Variants in NRXN3 observed in about 807,000 individuals in gnomAD.
The protein encoded by NRXN3 is neurexin III.
In NRXN3, 32 loss-of-function variants were observed where a neutral mutation model predicts 137.6. That is an observed-to-expected ratio of 0.23 (90% CI 0.18 to 0.31). NRXN3 has a LOEUF of 0.31. Among genes scored for constraint, NRXN3 ranks in the 10% least tolerant of loss-of-function variants. NRXN3 has a pLI of 1.00. For missense variants in NRXN3, 1,574 were observed against 2,062.5 expected (o/e 0.76, Z 4.59); for synonymous variants, 798 against 784.5 (o/e 1.02, Z -0.29).
chr14:78,849,219 A>G (rs547067952), intron 10 of NRXN3, among the ~76,000 whole-genome samples: 17 of 152,130 alleles, frequency 1.1e-4, no homozygotes, highest in Non-Finnish European at 2.1e-4. Flanking sequence ...CTCTTTGACC[A>G]TTTTTCCCAA....
At chr14:78,343,135 T>A (rs770173861) in intron 4 of NRXN3, among the ~76,000 whole-genome samples, 3 of 152,158 alleles carry the variant, frequency 2.0e-5, no homozygotes, top group Non-Finnish European at 2.9e-5. Flanking sequence ...TGGTAAAGCT[T>A]GAGAACCATG....
chr14:79,142,745 T>C (rs2058923402), intron 15 of NRXN3, among the ~76,000 whole-genome samples: 2 of 152,162 alleles, frequency 1.3e-5, no homozygotes, highest in African/African-American at 2.4e-5. Context: ...AGCCAAACTC[T>C]TCACAATTTC....
Position 79,057,963 on chromosome 14 carries a change from T to C in NRXN3, c.3262+69822T>C, listed in dbSNP as rs187789365. Among the ~76,000 whole-genome samples, 437 of 152,258 alleles carry C rather than the reference T, an allele frequency of 2.9e-3. 2 individuals carry two copies. Among genetic ancestry groups the C allele is most frequent in the African/African-American group, 9.9e-3 (412 of 41,548 alleles). Reference sequence around the variant, plus strand: ...ATAATTGATGAAGCAAGGTACGGAATGAGGCATAAAATGGAGAGATCAGAG... The same window carrying C: ...ATAATTGATGAAGCAAGGTACGGAACGAGGCATAAAATGGAGAGATCAGAG... On this transcript the variant is annotated intron_variant, in intron 15 of 20. Transcript: ENST00000335750.
At chr14:78,274,327 G>A (rs1275903074) in intron 2 of NRXN3, among the ~76,000 whole-genome samples, 1 of 152,192 alleles carries the variant, frequency 6.6e-6, no homozygotes, top group African/African-American at 2.4e-5. Context: ...GGCAGAAGGG[G>A]AAGCAAACAT....
chr14:78,681,058 C>T (rs1043154905), intron 6 of NRXN3, among the ~76,000 whole-genome samples: 3 of 152,174 alleles, frequency 2.0e-5, no homozygotes, highest in African/African-American at 7.2e-5. Flanking sequence ...TTCATAGCAG[C>T]AAGCAGCTGA....
intron 4 of NRXN3, among the ~76,000 whole-genome samples, chr14:78,437,217 G>T (rs1402324012): frequency 2.0e-5 from 3 of 152,128 alleles, no homozygotes; most frequent in Non-Finnish European, 4.4e-5. Context: ...GCATGGAAAG[G>T]TAAAGTATCA....
Position 79,722,765 on chromosome 14 carries a change from C to A in NRXN3, c.4014+24828C>A, listed in dbSNP as rs192097050. 1.9e-3 allele frequency among the ~76,000 whole-genome samples: 284 copies of A among 152,196 alleles called. 1 individual carries two copies. The highest frequency in any genetic ancestry group is 6.5e-3 in the African/African-American group (269 of 41,538). ...TAATAGATGTTAGGATTCATTTGGGCAGATACTTAGATTAGTGCCTACCAT... is the reference window on the plus strand; with the variant it reads ...TAATAGATGTTAGGATTCATTTGGGAAGATACTTAGATTAGTGCCTACCAT... On this transcript the variant is annotated intron_variant, in intron 19 of 20. Transcript: ENST00000335750.
intron 16 of NRXN3, among the ~76,000 whole-genome samples, chr14:79,655,385 T>G (rs1427987408): frequency 6.6e-6 from 1 of 152,218 alleles, no homozygotes; most frequent in East Asian, 1.9e-4. Flanking sequence ...CGATACATAC[T>G]TATTGCTCTC....
chr14:78,202,236 G>GA (rs1377301321), intron 1 of NRXN3, among the ~76,000 whole-genome samples: 1 of 152,218 alleles, frequency 6.6e-6, no homozygotes, highest in African/African-American at 2.4e-5. Flanking sequence ...TACCCTGCCT[G>GA]AAAACGAAGG....
At chr14:78,270,160 A>G (rs1758832654) in intron 2 of NRXN3, among the ~76,000 whole-genome samples, 1 of 152,184 alleles carries the variant, frequency 6.6e-6, no homozygotes, top group South Asian at 2.1e-4. Context: ...ACCTGACTCT[A>G]GAACCTGCCT....
intron 16 of NRXN3, among the ~76,000 whole-genome samples, chr14:79,577,175 C>G (rs1045213627): frequency 6.6e-6 from 1 of 152,174 alleles, no homozygotes; most frequent in South Asian, 2.1e-4. Context: ...GATAGTGAGG[C>G]CTCCCAAGCC....
chr14:78,864,636 T>A (rs2099081783), intron 10 of NRXN3, among the ~76,000 whole-genome samples: 1 of 152,126 alleles, frequency 6.6e-6, no homozygotes, highest in Non-Finnish European at 1.5e-5. Context: ...AAGAGACAGA[T>A]TAACAGGAAA....
intron 2 of NRXN3, among the ~76,000 whole-genome samples, chr14:78,247,849 T>C (rs2067926454): frequency 1.3e-5 from 2 of 152,252 alleles, no homozygotes; most frequent in South Asian, 4.1e-4. Context: ...ATTGAATTAC[T>C]GAACAACCTT....
At chr14:78,843,765 T>C (rs1382872786) in intron 10 of NRXN3, among the ~76,000 whole-genome samples, 1 of 152,156 alleles carries the variant, frequency 6.6e-6, no homozygotes, top group Non-Finnish European at 1.5e-5. Flanking sequence ...TGAAACATTT[T>C]GAATCAAATA....
intron 16 of NRXN3, among the ~76,000 whole-genome samples, chr14:79,571,463 G>T (rs1283236619): frequency 2.0e-5 from 3 of 152,140 alleles, no homozygotes; most frequent in Admixed American, 1.3e-4. Flanking sequence ...AATAGGAACT[G>T]GCAGCTGGGG....
In NRXN3 at chr14:79,004,506, A is replaced by G. The variant is rs146587730; in HGVS notation, c.3262+16365A>G. Among the ~76,000 whole-genome samples the G allele has an allele frequency of 1.1e-4, 17 of 152,342 alleles. No homozygotes were observed. The East Asian group carries it at 3.3e-3, about 29-fold the overall frequency. On this transcript the variant is annotated intron_variant, in intron 15 of 20. Transcript: ENST00000335750. ...TGATGTGCCTGCCTTGGCCTCCCAAAGTGCTGGGATTACAGGTGTGAGCTA... is the reference window on the plus strand; with the variant it reads ...TGATGTGCCTGCCTTGGCCTCCCAAGGTGCTGGGATTACAGGTGTGAGCTA...
intron 10 of NRXN3, among the ~76,000 whole-genome samples, chr14:78,816,104 C>T (rs746474398): frequency 1.3e-5 from 2 of 152,096 alleles, no homozygotes; most frequent in African/African-American, 2.4e-5. Flanking sequence ...TTTATCGTAT[C>T]AATAACAGCC....
chr14:78,817,071 T>C (rs1252282709), intron 10 of NRXN3, among the ~76,000 whole-genome samples: 3 of 152,198 alleles, frequency 2.0e-5, no homozygotes, highest in African/African-American at 7.2e-5. Context: ...GTTATAGTAA[T>C]TTTGTGTAAT....
At chr14:79,336,978 A>T (rs1171794908) in intron 15 of NRXN3, among the ~76,000 whole-genome samples, 1 of 152,160 alleles carries the variant, frequency 6.6e-6, no homozygotes, top group African/African-American at 2.4e-5. Flanking sequence ...CCTTGGCCAC[A>T]TACTTTAAAC....
Sources: allele counts gnomAD v4.1 joint callset (sites outside exome capture counted in the v4.1 genomes callset), GRCh38; gene constraint gnomAD v4.1.1; transcripts MANE v1.5; gene names NCBI Gene and HGNC (gene_info 2026-07-23, HGNC 2026-07-21).